SH3D21: variants seen among roughly 807,000 people sequenced by gnomAD.
The protein encoded by SH3D21 is SH3 domain-containing protein 21.
SH3D21 carries 83 observed loss-of-function variants against 82.1 expected under a neutral mutation model. The ratio of observed to expected loss-of-function variants is 1.01; its 90% CI spans 0.85 to 1.21. SH3D21 has a LOEUF of 1.21. Ranked by LOEUF, SH3D21 falls within the 50% of genes most tolerant of loss-of-function variation. The probability of loss-of-function intolerance (pLI) is 0.00; values close to 1 mark genes in which losing one functional copy is unlikely to be tolerated. For missense variants in SH3D21, 980 were observed against 962.1 expected, an observed-to-expected ratio of 1.02 and a Z score of -0.25; for synonymous variants, 383 against 387.8, an observed-to-expected ratio of 0.99 and a Z score of 0.15.
downstream of SH3D21, among the ~76,000 whole-genome samples, chr1:36,325,907 G>A (rs1301826039): frequency 6.6e-6 from 1 of 152,228 alleles, no homozygotes; most frequent in African/African-American, 2.4e-5. Flanking sequence ...TTGCCCTCAT[G>A]GAGCTGACAC....
chr1:36,326,025 A>T (rs1646540696), downstream of SH3D21, among the ~76,000 whole-genome samples: 1 of 152,158 alleles, frequency 6.6e-6, no homozygotes, highest in Non-Finnish European at 1.5e-5. Flanking sequence ...TCTCACAGGG[A>T]CATCCACAGT....
chr1:36,309,534 T>A lies in SH3D21; in HGVS notation c.727-14T>A. The A allele has an allele frequency of 6.4e-7, 1 of 1,551,434 alleles. No individual in the cohort carries two copies. The highest frequency in any genetic ancestry group is 8.7e-7 in the Non-Finnish European group (1 of 1,146,780). On this transcript the variant is annotated splice_polypyrimidine_tract_variant and intron_variant, in intron 9 of 15. Coordinates refer to ENST00000453908, the MANE Select transcript of SH3D21 (RefSeq NM_001162530.2). ...AGATTAAGGATGCTCAACCTTTACT[T>A]CTTTTCGGCATAGATCAAGAAGCTG...
intron 10 of SH3D21, 25 bp downstream of exon 10, chr1:36,309,615 T>TG: frequency 6.4e-7 from 1 of 1,551,336 alleles, no homozygotes; most frequent in South Asian, 1.2e-5. Flanking sequence ...AGCCTGGGAT[T>TG]GGGGGGTGTT....
At chr1:36,313,574 A>G (rs1646281366) in intron 10 of SH3D21, among the ~76,000 whole-genome samples, 1 of 151,858 alleles carries the variant, frequency 6.6e-6, no homozygotes, top group African/African-American at 2.4e-5. Context: ...TTCATAGTAT[A>G]CTCTTTTATT....
At chr1:36,309,441 C>A in intron 9 of SH3D21, 107 bp from the exon 10 acceptor site, 1 of 1,307,494 alleles carries the variant, frequency 7.6e-7, no homozygotes, top group Non-Finnish European at 1.1e-6. Context: ...AAGTGATCCA[C>A]TCCCAAAGTG....
At position 36,319,057 on chromosome 1, in the gene SH3D21, TCC is replaced by T; in HGVS notation, c.770-13_770-12del. The T allele has an allele frequency of 6.8e-7, 1 of 1,469,282 alleles. No individual in the cohort carries two copies. Among genetic ancestry groups the T allele is most frequent in the Non-Finnish European group, 9.3e-7 (1 of 1,071,950 alleles). The allele number at this position is 1,469,282 out of a possible 1,614,324, so 91.0% of individuals were successfully genotyped here. ...ACTGTCAGATGGATGAGTGCTCCACTCCTCTCTTCCCAGCTCCTATTAAGGAA... is the reference window on the plus strand; with the variant it reads ...ACTGTCAGATGGATGAGTGCTCCACTTCTCTTCCCAGCTCCTATTAAGGAA... On this transcript the variant is annotated splice_polypyrimidine_tract_variant and intron_variant, in intron 10 of 15. Coordinates refer to ENST00000453908, the MANE Select transcript of SH3D21 (RefSeq NM_001162530.2).
downstream of SH3D21, among the ~76,000 whole-genome samples, chr1:36,326,765 G>A (rs1265726682): frequency 6.6e-6 from 1 of 152,216 alleles, no homozygotes; most frequent in African/African-American, 2.4e-5. Flanking sequence ...GTGTTCTGAA[G>A]GGAGTTCCTG....
In SH3D21 at chr1:36,306,457, T is replaced by C. The variant is rs1646121259; in HGVS notation, c.4+33T>C. The C allele has an allele frequency of 7.7e-7, 1 of 1,305,250 alleles. No individual in the cohort carries two copies. The highest frequency in any genetic ancestry group is 1.5e-5 in the African/African-American group (1 of 65,876). 80.9% of individuals were successfully genotyped at this position (1,305,250 alleles called of 1,614,324 possible). On this transcript the variant is annotated intron_variant, in intron 1 of 15. Transcript: ENST00000453908. The surrounding 1 kb of genome is among the most constrained non-coding windows in gnomAD (Gnocchi z 4.5). ...CGGAGGCTTTGAGGTGGCCTCTCTCTGCAACCGTGGACATAGCAAGAGCCC... is the reference window on the plus strand; with the variant it reads ...CGGAGGCTTTGAGGTGGCCTCTCTCCGCAACCGTGGACATAGCAAGAGCCC...
Position 36,319,104 on chromosome 1 carries a change from A to G in SH3D21, c.803A>G (p.Lys268Arg), listed in dbSNP as rs1646396566. Residue 268 changes from lysine to arginine, a missense_variant, in exon 11 of 16, where the codon AAA (lysine) becomes AGA (arginine). Lys to Arg is a conservative substitution (Grantham distance 26, BLOSUM62 2). Coordinates refer to ENST00000453908, the MANE Select transcript of SH3D21 (RefSeq NM_001162530.2). ...PIKEPKKLMP[K>R]TSLPTVKKLA... is the part of the protein sequence containing the mutation. Reference sequence around the variant, plus strand: ...AAGGAACCAAAAAAGTTGATGCCCAAAACATCCCTCCCCACAGTCAAGAAG... The same window carrying G: ...AAGGAACCAAAAAAGTTGATGCCCAGAACATCCCTCCCCACAGTCAAGAAG... 1.9e-6 allele frequency: 3 copies of G among 1,551,518 alleles called. No homozygotes were observed. Among genetic ancestry groups the G allele is most frequent in the Non-Finnish European group, 2.6e-6 (3 of 1,146,884 alleles).
intron 10 of SH3D21, among the ~76,000 whole-genome samples, chr1:36,313,996 A>T (rs1218534656): frequency 4.5e-4 from 1 of 2,226 alleles, no homozygotes; most frequent in Non-Finnish European, 0.013. Flanking sequence ...TTTTTTTGAG[A>T]CGGAGTCTCG....
At chr1:36,322,141 A>G, downstream of SH3D21, 1 of 1,351,154 alleles carries the variant, frequency 7.4e-7, no homozygotes, top group Non-Finnish European at 9.6e-7. Flanking sequence ...GTCTTCTGGC[A>G]GGACTGGGGA....
At chr1:36,313,936 C>T (rs1431797838) in intron 10 of SH3D21, among the ~76,000 whole-genome samples, 2 of 146,574 alleles carry the variant, frequency 1.4e-5, no homozygotes, top group Non-Finnish European at 3.0e-5. Flanking sequence ...CTTTGATTTG[C>T]ATTTCTCTGA....
chr1:36,321,551 C>T, downstream of SH3D21: 6 of 738,106 alleles, frequency 8.1e-6, no homozygotes, highest in Non-Finnish European at 1.1e-5. The surrounding 1 kb of genome is among the most constrained non-coding windows in gnomAD (Gnocchi z 6.1). Flanking sequence ...GCTCGGACCC[C>T]TCCCAGCTGG....
chr1:36,328,533 G>C (rs965790493), downstream of SH3D21: 1 of 237,120 alleles, frequency 4.2e-6, no homozygotes, highest in African/African-American at 2.2e-5. Context: ...CACTTTGGGA[G>C]GCCGAGGTGT....
downstream of SH3D21, among the ~76,000 whole-genome samples, chr1:36,325,260 G>A (rs1646530030): frequency 6.6e-6 from 1 of 152,008 alleles, no homozygotes. Flanking sequence ...TTGAACTCCT[G>A]GGCTCAAGTG....
In SH3D21 at chr1:36,308,133, T is replaced by A; in HGVS notation, c.563T>A (p.Val188Asp). 1 of 1,549,792 alleles carries A rather than the reference T, an allele frequency of 6.5e-7. No homozygotes were observed. The highest frequency in any genetic ancestry group is 2.4e-5 in the East Asian group (1 of 40,918). ...GTCTCCCACCCTGAGGTCTACAGGG[T>A]CCTGTTTGACTACCAGCCTGAGGCC... Reference protein sequence around the residue: ...QTVSHPEVYRVLFDYQPEAPD... With the variant: ...QTVSHPEVYRDLFDYQPEAPD... The change falls in exon 8 of 16, where the codon GTC (valine) becomes GAC (aspartate). Residue 188 changes from valine (V) to aspartate (D), a missense_variant. By Grantham distance (152) the Val-to-Asp change is radical. Transcript: ENST00000453908.
Position 36,321,302 on chromosome 1 carries a change from TC to T in SH3D21, c.*178del. ...GCCTGGGCCTCCGCATTCCTGACGG[TC>T]CCTCCCAGGCACATCTGGCCAACAT... On this transcript the variant is annotated 3_prime_UTR_variant, in exon 16 of 16. Transcript: ENST00000453908. This position sits in a 1 kb window ranked among gnomAD's most constrained non-coding sequence, Gnocchi z 6.1. The T allele has an allele frequency of 7.0e-7, 1 of 1,437,580 alleles. No homozygotes were observed. Among genetic ancestry groups the T allele is most frequent in the Non-Finnish European group, 9.1e-7 (1 of 1,101,580 alleles). The allele number at this position is 1,437,580 out of a possible 1,614,324, so 89.1% of individuals were successfully genotyped here.
Position 36,320,085 on chromosome 1 carries a change from T to A in SH3D21, c.1422T>A (p.Pro474=), listed in dbSNP as rs760995121. Residue 474 remains proline (P), a synonymous_variant, in exon 14 of 16, where the codon CCT becomes CCA. Coordinates refer to ENST00000453908, the MANE Select transcript of SH3D21 (RefSeq NM_001162530.2). ...AAGTCCCTAATCCAAAGATGGCCCC[T>A]CTGGGGGATGAGGCCCCCACTCTAG... The part of the protein sequence containing the change: ...MDKVPNPKMA[P]LGDEAPTLEK... The A allele has an allele frequency of 1.2e-6, 2 of 1,613,860 alleles. No individual in the cohort carries two copies. Among genetic ancestry groups the A allele is most frequent in the Non-Finnish European group, 1.7e-6 (2 of 1,179,968 alleles).
At chr1:36,317,571 T>C (rs558902479) in intron 10 of SH3D21, among the ~76,000 whole-genome samples, 1 of 152,288 alleles carries the variant, frequency 6.6e-6, no homozygotes, top group South Asian at 2.1e-4. Context: ...TTTTTTGTTT[T>C]GTTTTTTTGA....
Sources: allele counts gnomAD v4.1 joint callset (sites outside exome capture counted in the v4.1 genomes callset), GRCh38; gene constraint gnomAD v4.1.1; non-coding constraint Gnocchi (gnomAD v3.1); transcripts MANE v1.5; gene names NCBI Gene and HGNC (gene_info 2026-07-23, HGNC 2026-07-21).